The following TENM3 variants were observed in gnomAD, a reference collection of about 807,000 sequenced individuals.
The protein encoded by TENM3 is teneurin transmembrane protein 3.
A neutral mutation model predicts 255.1 loss-of-function variants in TENM3; 63 were observed. The ratio of observed to expected loss-of-function variants is 0.25; its 90% confidence interval spans 0.20 to 0.30. The LOEUF (loss-of-function observed/expected upper bound fraction) is 0.30, where lower values mean the gene tolerates loss of function less well. Among genes scored for constraint, TENM3 ranks in the 10% least tolerant of loss-of-function variants. The probability of loss-of-function intolerance (pLI) is 1.00; values close to 1 mark genes in which losing one functional copy is unlikely to be tolerated. For missense variants in TENM3, 2,929 were observed against 3,461.1 expected (o/e 0.85, Z 3.86); for synonymous variants, 1,306 against 1,322.3 (o/e 0.99, Z 0.27).
chr4:181,836,488 C>A, the TENM3 span, among the ~76,000 whole-genome samples: 1 of 152,044 alleles, frequency 6.6e-6, no homozygotes, highest in East Asian at 1.9e-4. Context: ...GGGATGGGTT[C>A]AATTTCTTTT....
At chr4:182,477,876 A>T (rs1733827922) in intron 3 of TENM3, among the ~76,000 whole-genome samples, 1 of 152,188 alleles carries the variant, frequency 6.6e-6, no homozygotes, top group African/African-American at 2.4e-5. Flanking sequence ...ACAAAGTAAA[A>T]AATAATGAAT....
chr4:182,585,088 G>A (rs1486581905), intron 3 of TENM3, among the ~76,000 whole-genome samples: 1 of 152,028 alleles, frequency 6.6e-6, no homozygotes, highest in Non-Finnish European at 1.5e-5. Flanking sequence ...TACTTTGTTT[G>A]AATAATTAAG....
chr4:181,969,334 T>C, the TENM3 span, among the ~76,000 whole-genome samples: 1 of 152,194 alleles, frequency 6.6e-6, no homozygotes, highest in Non-Finnish European at 1.5e-5. Flanking sequence ...GTTAGCCAGC[T>C]GGAAAATTCT....
the TENM3 span, among the ~76,000 whole-genome samples, chr4:181,733,158 T>G: frequency 1.2e-4 from 19 of 152,306 alleles, 1 homozygote; most frequent in African/African-American, 4.3e-4. Flanking sequence ...CAAGTTGCTA[T>G]CCTGGGATGA....
intron 3 of TENM3, among the ~76,000 whole-genome samples, chr4:182,437,146 T>C (rs991376348): frequency 6.6e-6 from 1 of 152,138 alleles, no homozygotes; most frequent in African/African-American, 2.4e-5. Context: ...TGTTACCATA[T>C]GGGGTAGAAT....
At chr4:182,241,584 G>A (rs1157630137), upstream of TENM3, among the ~76,000 whole-genome samples, 2 of 140,156 alleles carry the variant, frequency 1.4e-5, no homozygotes, top group East Asian at 2.0e-4. Context: ...TGCGATCTTG[G>A]CTCACTGCAA....
chr4:181,534,435 T>C, the TENM3 span, among the ~76,000 whole-genome samples: 2 of 150,936 alleles, frequency 1.3e-5, no homozygotes, highest in Non-Finnish European at 2.9e-5. Context: ...CATGTTGTCT[T>C]TACAGTGGAT....
At chr4:181,699,628 C>T in the TENM3 span, among the ~76,000 whole-genome samples, 7 of 152,016 alleles carry the variant, frequency 4.6e-5, no homozygotes, top group African/African-American at 1.7e-4. Context: ...GGCAAGAACT[C>T]TGAATACATT....
chr4:182,497,055 A>G (rs531308181), intron 3 of TENM3, among the ~76,000 whole-genome samples: 2 of 151,250 alleles, frequency 1.3e-5, no homozygotes, highest in South Asian at 4.2e-4. Flanking sequence ...CCATCCACTT[A>G]CAGCTTTTTT....
At chr4:182,313,368 T>C in intron 1 of TENM3, among the ~76,000 whole-genome samples, 1 of 151,874 alleles carries the variant, frequency 6.6e-6, no homozygotes, top group East Asian at 1.9e-4. Flanking sequence ...CCATGATGAG[T>C]AGTTTTGAAT....
chr4:182,304,609 G>A (rs926821273), intron 1 of TENM3, among the ~76,000 whole-genome samples: 1 of 152,136 alleles, frequency 6.6e-6, no homozygotes, highest in Non-Finnish European at 1.5e-5. Context: ...CTGTGTACAA[G>A]ACACAAAGGC....
At chr4:181,975,791 G>C in the TENM3 span, 1 of 152,192 alleles carries the variant, frequency 6.6e-6, no homozygotes, top group African/African-American at 2.4e-5. Flanking sequence ...ACTGCATATG[G>C]AATGTAAGAC....
At chr4:182,589,406 G>A (rs951154671) in intron 3 of TENM3, among the ~76,000 whole-genome samples, 3 of 148,646 alleles carry the variant, frequency 2.0e-5, no homozygotes, top group African/African-American at 7.4e-5. Flanking sequence ...TGTCAAAATC[G>A]CCTCTTATTT....
At chr4:182,078,966 TG>T in the TENM3 span, among the ~76,000 whole-genome samples, 1 of 152,166 alleles carries the variant, frequency 6.6e-6, no homozygotes, top group Non-Finnish European at 1.5e-5. Flanking sequence ...TTTTGAGAGC[TG>T]GTCTTAATGA....
chr4:182,105,637 G>T, the TENM3 span, among the ~76,000 whole-genome samples: 24,978 of 152,152 alleles, frequency 0.16, 2,189 homozygotes, highest in Non-Finnish European at 0.2. Context: ...TGGAGTTAGA[G>T]CACATCAGTC....
intron 1 of TENM3, among the ~76,000 whole-genome samples, chr4:182,316,039 A>G (rs913181832): frequency 2.0e-5 from 3 of 152,142 alleles, no homozygotes; most frequent in African/African-American, 4.8e-5. Context: ...TTACACCAAT[A>G]TCACTTCTGG....
At chr4:182,089,244 AG>A in the TENM3 span, among the ~76,000 whole-genome samples, 3 of 152,212 alleles carry the variant, frequency 2.0e-5, no homozygotes, top group Admixed American at 2.0e-4. Flanking sequence ...TTTTACAAAC[AG>A]GTAATCTTAG....
chr4:182,178,292 T>C (rs367904148), intron 1 of TENM3, among the ~76,000 whole-genome samples: 14 of 152,314 alleles, frequency 9.2e-5, no homozygotes, highest in African/African-American at 3.4e-4. Flanking sequence ...CGTCAATTTC[T>C]ACTGCCTCAC....
chr4:182,313,816 C>G (rs1215184585), intron 1 of TENM3, among the ~76,000 whole-genome samples: 1 of 152,110 alleles, frequency 6.6e-6, no homozygotes, highest in Non-Finnish European at 1.5e-5. Context: ...TTTCCTCACC[C>G]TCATTTTAGC....
Sources: gnomAD v4.1 joint callset for allele counts (sites outside exome capture counted in the v4.1 genomes callset) on GRCh38, gnomAD v4.1.1 for gene constraint, MANE v1.5 for transcripts, NCBI Gene and HGNC (gene_info 2026-07-23, HGNC 2026-07-21) for gene names.